The following RINT1 variants were observed in gnomAD, a reference collection of about 807,000 sequenced individuals.
RINT1 encodes the protein RAD50 interactor 1, also known as RAD50-interacting protein 1.
A neutral mutation model predicts 97.7 loss-of-function variants in RINT1; 75 were observed. The ratio of observed to expected loss-of-function variants is 0.77; its 90% CI spans 0.64 to 0.93. The LOEUF (loss-of-function observed/expected upper bound fraction) is 0.93. Among genes scored for constraint, RINT1 ranks in the 40% least tolerant of loss-of-function variants. The pLI is 0.00. For synonymous variants in RINT1, 303 were observed against 326.3 expected, an observed-to-expected ratio of 0.93 and a Z score of 0.77; for missense variants, 892 against 925.2, an observed-to-expected ratio of 0.96 and a Z score of 0.47.
chr7:105,534,996 C>T (rs1263748059), intron 2 of RINT1, among the ~76,000 whole-genome samples: 3 of 152,030 alleles, frequency 2.0e-5, no homozygotes, highest in Non-Finnish European at 4.4e-5. Context: ...TGCACTTAGG[C>T]ATATCATTAT....
At chr7:105,534,887 G>T (rs943690239) in intron 2 of RINT1, among the ~76,000 whole-genome samples, 2 of 152,104 alleles carry the variant, frequency 1.3e-5, no homozygotes, top group Admixed American at 6.6e-5. Context: ...GTTTGTTGGG[G>T]TGTAGGGGTG....
At chr7:105,564,929 G>A (rs1175894405) in intron 12 of RINT1, among the ~76,000 whole-genome samples, 1 of 151,868 alleles carries the variant, frequency 6.6e-6, no homozygotes, top group Non-Finnish European at 1.5e-5. Flanking sequence ...GAACCCTGTG[G>A]CTCTAGCCTG....
At chr7:105,562,626 T>C (rs572607076) in intron 11 of RINT1, among the ~76,000 whole-genome samples, 1 of 152,192 alleles carries the variant, frequency 6.6e-6, no homozygotes, top group East Asian at 1.9e-4. Flanking sequence ...CTGCCAGGCT[T>C]GGTGACTCAC....
chr7:105,547,718 C>CTTTTTTTT (rs34938925), intron 6 of RINT1, among the ~76,000 whole-genome samples: 2 of 116,182 alleles, frequency 1.7e-5, no homozygotes, highest in African/African-American at 3.3e-5. Flanking sequence ...CATTTTTGTG[C>CTTTTTTTT]TTTTTTTTTT....
At chr7:105,539,631 G>C (rs1432485569) in intron 3 of RINT1, among the ~76,000 whole-genome samples, 1 of 152,016 alleles carries the variant, frequency 6.6e-6, no homozygotes, top group Non-Finnish European at 1.5e-5. Flanking sequence ...GCCTTCCAAA[G>C]TGCTGGGATT....
In RINT1 at chr7:105,561,702, CAG is replaced by C. The variant is rs1791449745; in HGVS notation, c.1672-2030_1672-2029del. On this transcript the variant is annotated intron_variant, in intron 11 of 14. Coordinates refer to ENST00000257700, the MANE Select transcript of RINT1 (RefSeq NM_021930.6). The stretch of plus-strand genomic sequence containing the variant: ...TCAGCCTCCCGAGTAGCTGGGATTA[CAG>C]GCACCTGCCACCATGCCCAGGTAAT... 2.6e-5 allele frequency among the ~76,000 whole-genome samples: 4 copies of C among 151,976 alleles called. No homozygotes were observed. In the South Asian group the frequency reaches 8.3e-4, roughly 32 times the overall value.
chr7:105,560,234 C>T (rs566346239), intron 11 of RINT1, among the ~76,000 whole-genome samples: 2 of 152,252 alleles, frequency 1.3e-5, no homozygotes, highest in East Asian at 3.9e-4. Context: ...AGGTGCCTCT[C>T]ATATGTCCAT....
At chr7:105,543,969 G>A (rs1197548074) in intron 4 of RINT1, among the ~76,000 whole-genome samples, 4 of 151,636 alleles carry the variant, frequency 2.6e-5, no homozygotes, top group South Asian at 2.1e-4. Context: ...GCATGGTGGC[G>A]CGTGCCTGTA....
chr7:105,546,546 C>T (rs1291607184), intron 4 of RINT1, among the ~76,000 whole-genome samples: 1 of 152,052 alleles, frequency 6.6e-6, no homozygotes, highest in East Asian at 1.9e-4. Flanking sequence ...GCACTTTTTC[C>T]GAATTTGAAA....
In RINT1 at chr7:105,542,667, G is replaced by C; in HGVS notation, c.515+18G>C. On this transcript the variant is annotated intron_variant, in intron 4 of 14. Coordinates refer to ENST00000257700, the MANE Select transcript of RINT1 (RefSeq NM_021930.6). ...GAACTAAGGTAAAATGGGCCTCTTT[G>C]TTCTCACAATTACTATTTTCCTTTG... 6.2e-7 allele frequency: 1 copy of C among 1,609,710 alleles called. No individual in the cohort carries two copies. Among genetic ancestry groups the C allele is most frequent in the Non-Finnish European group, 8.5e-7 (1 of 1,177,904 alleles).
At chr7:105,554,649 A>G (rs1184472331) in intron 10 of RINT1, among the ~76,000 whole-genome samples, 1 of 152,036 alleles carries the variant, frequency 6.6e-6, no homozygotes, top group Non-Finnish European at 1.5e-5. Context: ...CATGTTGGCC[A>G]GGCTAGTCTT....
At chr7:105,553,674 A>G (rs997533130) in intron 10 of RINT1, among the ~76,000 whole-genome samples, 4 of 149,422 alleles carry the variant, frequency 2.7e-5, no homozygotes, top group Admixed American at 2.7e-4. Context: ...CGGCCTCCCA[A>G]AGTGCTGGGA....
intron 14 of RINT1, 132 bp from the exon 15 acceptor site, chr7:105,566,983 TAATA>T: frequency 4.2e-6 from 2 of 477,418 alleles, no homozygotes; most frequent in Non-Finnish European, 7.0e-6. Flanking sequence ...AAGAACCAAA[TAATA>T]AATCCATAAA....
intron 12 of RINT1, among the ~76,000 whole-genome samples, chr7:105,564,643 T>C (rs1477809256): frequency 6.6e-6 from 1 of 152,152 alleles, no homozygotes; most frequent in Non-Finnish European, 1.5e-5. Context: ...GTGCTTAAAA[T>C]TCGTTTATTA....
chr7:105,548,151 C>CT (rs1284201620), intron 6 of RINT1, among the ~76,000 whole-genome samples: 1 of 152,098 alleles, frequency 6.6e-6, no homozygotes, highest in African/African-American at 2.4e-5. Context: ...CCTCTTCTTC[C>CT]TGTGTAGCTG....
chr7:105,562,746 A>G (rs1015635377), intron 11 of RINT1, among the ~76,000 whole-genome samples: 1 of 152,026 alleles, frequency 6.6e-6, no homozygotes, highest in African/African-American at 2.4e-5. Flanking sequence ...AAGTTACAAA[A>G]AAAAAAATTA....
At chr7:105,539,306 A>T (rs567499881) in intron 3 of RINT1, among the ~76,000 whole-genome samples, 1 of 149,028 alleles carries the variant, frequency 6.7e-6, no homozygotes, top group Non-Finnish European at 1.5e-5. Context: ...TCACCAAGTC[A>T]TCTGAGTTCA....
chr7:105,558,101 G>C (rs543508011), intron 11 of RINT1, among the ~76,000 whole-genome samples: 9 of 152,106 alleles, frequency 5.9e-5, no homozygotes, highest in Admixed American at 5.2e-4. Flanking sequence ...GATCACCTGA[G>C]GTCAGGAGTT....
chr7:105,542,636 AT>A lies in RINT1; in HGVS notation c.504del (p.Ile168MetfsTer4). The stretch of plus-strand genomic sequence containing the variant: ...TGCTTACCTTAAATGGATTTCACAA[AT>A]TGAAGAACTAAGGTAAAATGGGCCT... ...HLAYLKWISQIEELSDNIQQY... is the reference protein window; with the variant it reads ...HLAYLKWISQXEELSDNIQQY... On this transcript the variant is annotated frameshift_variant, in exon 4 of 15. Coordinates refer to ENST00000257700, the MANE Select transcript of RINT1 (RefSeq NM_021930.6). LOFTEE classifies it high-confidence loss of function. 6.2e-7 allele frequency: 1 copy of A among 1,612,914 alleles called. No individual in the cohort carries two copies. Among genetic ancestry groups the A allele is most frequent in the Non-Finnish European group, 8.5e-7 (1 of 1,179,628 alleles).
Sources: allele counts gnomAD v4.1 joint callset (sites outside exome capture counted in the v4.1 genomes callset), GRCh38; gene constraint gnomAD v4.1.1; transcripts MANE v1.5; gene names NCBI Gene and HGNC (gene_info 2026-07-23, HGNC 2026-07-21).